Variants in ADCY5 observed in about 807,000 individuals in gnomAD.
ADCY5 encodes the protein adenylate cyclase type 5.
In ADCY5, 30 loss-of-function variants were observed where a neutral mutation model predicts 119.7. That is an observed-to-expected ratio of 0.25 (90% CI 0.19 to 0.34). The LOEUF (loss-of-function observed/expected upper bound fraction) is 0.34. ADCY5 is among the 10% of genes least tolerant of loss of function. The probability of loss-of-function intolerance (pLI) is 1.00; values close to 1 mark genes in which losing one functional copy is unlikely to be tolerated. For synonymous variants in ADCY5, 753 were observed against 762.2 expected (o/e 0.99, Z 0.20); for missense variants, 1,324 against 1,775.2 (o/e 0.75, Z 4.57).
intron 10 of ADCY5, among the ~76,000 whole-genome samples, chr3:123,319,053 C>T (rs1275461668): frequency 1.3e-5 from 2 of 152,208 alleles, no homozygotes; most frequent in Admixed American, 6.5e-5. Flanking sequence ...GCGACAGATA[C>T]TGTTTCATAC....
intron 16 of ADCY5, chr3:123,296,840 C>T (rs1559784188): frequency 1.4e-5 from 9 of 620,970 alleles, no homozygotes; most frequent in East Asian, 2.8e-5. Context: ...ACAAAAGCAG[C>T]CATTCCAAAT....
At chr3:123,397,539 A>C (rs1002532378) in intron 1 of ADCY5, among the ~76,000 whole-genome samples, 4 of 152,258 alleles carry the variant, frequency 2.6e-5, no homozygotes, top group African/African-American at 9.6e-5. Flanking sequence ...CAGGAGGCTG[A>C]GGCAAGAGGA....
intron 8 of ADCY5, among the ~76,000 whole-genome samples, chr3:123,325,062 G>A (rs557181413): frequency 2.0e-5 from 3 of 152,236 alleles, no homozygotes; most frequent in Non-Finnish European, 4.4e-5. Context: ...CGCAAGCTCT[G>A]CCAAGAGGGA....
intron 12 of ADCY5, among the ~76,000 whole-genome samples, chr3:123,307,689 A>T (rs1206924587): frequency 1.3e-5 from 2 of 152,236 alleles, no homozygotes; most frequent in East Asian, 3.9e-4. Flanking sequence ...ATGTTGTTTA[A>T]ACTGTTCAGT....
At chr3:123,398,823 A>G (rs1944675772) in intron 1 of ADCY5, among the ~76,000 whole-genome samples, 1 of 152,190 alleles carries the variant, frequency 6.6e-6, no homozygotes. Flanking sequence ...CTGTCACTAT[A>G]ACTATTTGTA....
At chr3:123,442,201 A>G (rs1482870049) in intron 1 of ADCY5, among the ~76,000 whole-genome samples, 1 of 152,098 alleles carries the variant, frequency 6.6e-6, no homozygotes, top group Non-Finnish European at 1.5e-5. Flanking sequence ...CACAGGCTAC[A>G]CTCCTGGGAA....
chr3:123,332,414 G>T, intron 4 of ADCY5, 150 bp downstream of exon 4: 2 of 631,134 alleles, frequency 3.2e-6, no homozygotes, highest in East Asian at 2.8e-5. Flanking sequence ...GCAGCCTAAG[G>T]GTCCCCTCTG....
At chr3:123,350,345 C>T (rs1234231284) in intron 2 of ADCY5, among the ~76,000 whole-genome samples, 2 of 152,222 alleles carry the variant, frequency 1.3e-5, no homozygotes, top group Non-Finnish European at 2.9e-5. Context: ...TAGTGAAGGG[C>T]GGTGTTCTCT....
chr3:123,372,338 T>C (rs2107534580), intron 1 of ADCY5, among the ~76,000 whole-genome samples: 1 of 152,004 alleles, frequency 6.6e-6, no homozygotes, highest in African/African-American at 2.4e-5. Flanking sequence ...GAGAATGACA[T>C]TCCCCAGGAT....
At chr3:123,407,927 A>G (rs1559866924) in intron 1 of ADCY5, among the ~76,000 whole-genome samples, 2 of 151,796 alleles carry the variant, frequency 1.3e-5, no homozygotes, top group South Asian at 2.1e-4. Flanking sequence ...CGGAGTGACT[A>G]CTAATGGGTA....
intron 1 of ADCY5, among the ~76,000 whole-genome samples, chr3:123,394,195 CTCTCT>C (rs1443548595): frequency 2.6e-5 from 4 of 152,250 alleles, no homozygotes; most frequent in East Asian, 3.9e-4. Context: ...ACATAATTTT[CTCTCT>C]TCTCTTAACT....
intron 1 of ADCY5, among the ~76,000 whole-genome samples, chr3:123,392,960 C>G (rs1005493562): frequency 6.6e-6 from 1 of 152,196 alleles, no homozygotes; most frequent in South Asian, 2.1e-4. Context: ...AAGGGGGTCT[C>G]TACCACCCCC....
At chr3:123,382,806 T>A (rs1485651290) in intron 1 of ADCY5, among the ~76,000 whole-genome samples, 1 of 152,182 alleles carries the variant, frequency 6.6e-6, no homozygotes, top group African/African-American at 2.4e-5. Context: ...TTTGGAATGA[T>A]GAAAAAGTTC....
At chr3:123,324,446 ACACACACACACACACACACACAC>A in intron 8 of ADCY5, among the ~76,000 whole-genome samples, 1 of 109,974 alleles carries the variant, frequency 9.1e-6, no homozygotes, top group African/African-American at 3.5e-5. Context: ...ACACACACAC[ACACACACACACACACACACACAC>A]AGTCCCTGTG....
intron 3 of ADCY5, among the ~76,000 whole-genome samples, chr3:123,346,944 A>G (rs1316583810): frequency 6.6e-6 from 1 of 152,166 alleles, no homozygotes; most frequent in East Asian, 1.9e-4. Context: ...CTATTAATCT[A>G]CATCTGTTTG....
rs146072347 is a variant in ADCY5 at position 123,396,819 on chromosome 3, CGAGA to C, written c.1135-44242_1135-44239del. 4.8e-4 allele frequency among the ~76,000 whole-genome samples: 30 copies of C among 62,306 alleles called. 1 individual carries two copies. The highest frequency in any genetic ancestry group is 3.3e-3 in the South Asian group (5 of 1,516). 40.9% of individuals were successfully genotyped at this position (62,306 alleles called of 152,430 possible). A position where few individuals can be genotyped will look rare whatever the true frequency, so the allele number is the denominator to read the frequency against. On this transcript the variant is annotated intron_variant, in intron 1 of 20. Coordinates refer to ENST00000462833, the MANE Select transcript of ADCY5 (RefSeq NM_183357.3). ...GCAGGCAGGCAGGCAGGCAGGCAGG[CGAGA>C]GAGAGAGAGAGAGAGAGAGACAGAG...
intron 1 of ADCY5, among the ~76,000 whole-genome samples, chr3:123,358,813 G>T (rs1943135380): frequency 6.6e-6 from 1 of 152,196 alleles, no homozygotes; most frequent in Non-Finnish European, 1.5e-5. Flanking sequence ...ATCTCTGGCT[G>T]CCCGCAGGCT....
intron 1 of ADCY5, among the ~76,000 whole-genome samples, chr3:123,405,207 C>T (rs1163688875): frequency 6.6e-6 from 1 of 152,264 alleles, no homozygotes; most frequent in East Asian, 1.9e-4. Context: ...GTCCTGTCCT[C>T]TCTCATGCTG....
chr3:123,448,220 TCGC>T lies in ADCY5; in HGVS notation c.323_325del (p.Gly108del), dbSNP rs1408802164. The T allele has an allele frequency of 3.0e-6, 4 of 1,333,596 alleles. No homozygotes were observed. Among genetic ancestry groups the T allele is most frequent in the Admixed American group, 3.5e-5 (1 of 28,922 alleles). The allele number at this position is 1,333,596 out of a possible 1,614,324, so 82.6% of individuals were successfully genotyped here. A position where few individuals can be genotyped will look rare whatever the true frequency, so the allele number is the denominator to read the frequency against. ...CCGGCGGCTGCCGCGACCGCAGTCGTCGCCGCCGCGCTCCTGCCAGGCGGACTT... is the reference window on the plus strand; with the variant it reads ...CCGGCGGCTGCCGCGACCGCAGTCGTCGCCGCGCTCCTGCCAGGCGGACTT... On this transcript the variant is annotated inframe_deletion, in exon 1 of 21. Coordinates refer to ENST00000462833, the MANE Select transcript of ADCY5 (RefSeq NM_183357.3).
Sources: allele counts gnomAD v4.1 joint callset (sites outside exome capture counted in the v4.1 genomes callset), GRCh38; gene constraint gnomAD v4.1.1; transcripts MANE v1.5; gene names NCBI Gene and HGNC (gene_info 2026-07-23, HGNC 2026-07-21).